Variants in CMPK1 observed in about 807,000 individuals in gnomAD.
The protein encoded by CMPK1 is cytidine/uridine monophosphate kinase 1.
Under a neutral mutation model 25.7 loss-of-function variants are expected in CMPK1, and 10 were observed. The ratio of observed to expected loss-of-function variants is 0.39; its 90% CI spans 0.24 to 0.66. The LOEUF is 0.66. Ranked by LOEUF, CMPK1 falls within the 30% of genes least tolerant of loss-of-function variation. The pLI is 0.48. For missense variants in CMPK1, 199 were observed against 280.5 expected, an observed-to-expected ratio of 0.71 and a Z score of 2.08; for synonymous variants, 106 against 101.5, an observed-to-expected ratio of 1.04 and a Z score of -0.27.
chr1:47,360,170 C>T (rs566779961), intron 1 of CMPK1, among the ~76,000 whole-genome samples: 10 of 152,318 alleles, frequency 6.6e-5, no homozygotes, highest in African/African-American at 2.2e-4. Context: ...AAATTATTGC[C>T]TCTGAGCTCC....
intron 2 of CMPK1, among the ~76,000 whole-genome samples, chr1:47,372,309 T>C (rs1646682717): frequency 1.3e-5 from 2 of 152,208 alleles, no homozygotes; most frequent in African/African-American, 4.8e-5. Flanking sequence ...GCCGGGCTGG[T>C]TCTTTTGTTG....
chr1:47,337,688 G>A (rs1287535745), intron 1 of CMPK1, among the ~76,000 whole-genome samples: 1 of 150,554 alleles, frequency 6.6e-6, no homozygotes. Context: ...ATCTTGGCTC[G>A]CTGCAGCCTC....
intron 1 of CMPK1, among the ~76,000 whole-genome samples, chr1:47,344,084 C>T (rs540523998): frequency 7.4e-4 from 109 of 147,736 alleles, no homozygotes; most frequent in Non-Finnish European, 1.4e-3. Flanking sequence ...AAAAAAAAGA[C>T]GACAGACCCT....
intron 1 of CMPK1, among the ~76,000 whole-genome samples, chr1:47,356,446 C>T (rs1646561337): frequency 6.6e-6 from 1 of 152,122 alleles, no homozygotes; most frequent in Non-Finnish European, 1.5e-5. Flanking sequence ...GACAAGTCCT[C>T]ATTTGTAGTT....
intron 1 of CMPK1, among the ~76,000 whole-genome samples, chr1:47,363,587 G>A (rs545069889): frequency 2.9e-4 from 44 of 150,976 alleles, no homozygotes; most frequent in Non-Finnish European, 4.4e-5. Flanking sequence ...GCAGTGAGCC[G>A]AGATTGTACC....
At chr1:47,351,614 G>T (rs1646522882) in intron 1 of CMPK1, among the ~76,000 whole-genome samples, 1 of 152,142 alleles carries the variant, frequency 6.6e-6, no homozygotes, top group African/African-American at 2.4e-5. Flanking sequence ...TGGAATTGCT[G>T]AGTCACATGG....
chr1:47,350,639 A>G (rs1042999594), intron 1 of CMPK1, among the ~76,000 whole-genome samples: 3 of 152,164 alleles, frequency 2.0e-5, no homozygotes, highest in African/African-American at 7.2e-5. Context: ...TTATGCCCGT[A>G]ATCCCAGCAC....
At chr1:47,355,982 T>C (rs1646558383) in intron 1 of CMPK1, among the ~76,000 whole-genome samples, 1 of 152,232 alleles carries the variant, frequency 6.6e-6, no homozygotes, top group African/African-American at 2.4e-5. Context: ...CTGTTACTTA[T>C]TATCTGATTA....
intron 1 of CMPK1, among the ~76,000 whole-genome samples, chr1:47,340,947 T>G (rs893081291): frequency 1.3e-5 from 2 of 152,186 alleles, no homozygotes; most frequent in Non-Finnish European, 2.9e-5. Context: ...AATTTTTTCT[T>G]TTTTAAGAAA....
At position 47,335,761 on chromosome 1, in the gene CMPK1, TTTTTTG is replaced by T. The variant is rs541648920; in HGVS notation, c.171+1665_171+1670del. 3.2e-3 allele frequency among the ~76,000 whole-genome samples: 491 copies of T among 152,120 alleles called. 1 individual carries two copies. Among genetic ancestry groups the T allele is most frequent in the African/African-American group, 0.011 (443 of 41,470 alleles). ...TTGTTGGTTCTCTTTCTTTTGTTGT[TTTTTTG>T]TTTTTGTTTTTGTTTTTGTGACAGT... On this transcript the variant is annotated intron_variant, in intron 1 of 5. Coordinates refer to ENST00000371873, the MANE Select transcript of CMPK1 (RefSeq NM_016308.3).
intron 1 of CMPK1, among the ~76,000 whole-genome samples, chr1:47,345,756 C>CTT (rs1002903094): frequency 7.1e-6 from 1 of 140,400 alleles, no homozygotes. Context: ...TGCACCTGGC[C>CTT]TTTTTTTTTT....
intron 1 of CMPK1, among the ~76,000 whole-genome samples, chr1:47,337,159 T>C (rs1646405005): frequency 6.6e-6 from 1 of 152,110 alleles, no homozygotes; most frequent in South Asian, 2.1e-4. Flanking sequence ...GGCAGGCGCC[T>C]GTAGTCCCAG....
intron 1 of CMPK1, among the ~76,000 whole-genome samples, chr1:47,335,687 C>T (rs959904328): frequency 5.3e-5 from 8 of 149,922 alleles, no homozygotes; most frequent in East Asian, 3.9e-4. Context: ...TGGAACTAGT[C>T]CAACTAAAAA....
chr1:47,336,288 G>A (rs1646398510), intron 1 of CMPK1, among the ~76,000 whole-genome samples: 1 of 152,166 alleles, frequency 6.6e-6, no homozygotes, highest in Non-Finnish European at 1.5e-5. Context: ...CCCTGACTCT[G>A]CCATTTACTG....
intron 1 of CMPK1, among the ~76,000 whole-genome samples, chr1:47,343,516 A>T (rs1238602263): frequency 6.6e-6 from 1 of 151,400 alleles, no homozygotes; most frequent in Non-Finnish European, 1.5e-5. Flanking sequence ...TCAAAAAAAA[A>T]AAAGTCTCAA....
At chr1:47,334,992 A>G (rs541182493) in intron 1 of CMPK1, among the ~76,000 whole-genome samples, 2 of 152,226 alleles carry the variant, frequency 1.3e-5, no homozygotes, top group African/African-American at 4.8e-5. Flanking sequence ...TTTGAGCTAG[A>G]TGTATGGTTG....
intron 1 of CMPK1, among the ~76,000 whole-genome samples, chr1:47,334,961 A>G (rs1279063342): frequency 6.6e-6 from 1 of 152,212 alleles, no homozygotes; most frequent in Non-Finnish European, 1.5e-5. Flanking sequence ...ACAGGTTACC[A>G]GTTCAATTCT....
intron 2 of CMPK1, among the ~76,000 whole-genome samples, 137 bp from the exon 3 acceptor site, chr1:47,372,800 CTTTTTTTCTTTTCTTTTT>C (rs1181996814): frequency 1.2e-5 from 1 of 84,166 alleles, no homozygotes; most frequent in Non-Finnish European, 2.3e-5. Flanking sequence ...TTCTTTCTTT[CTTTTTTTCTTTTCTTTTT>C]TTTTTTTGCT....
At chr1:47,349,152 AG>A (rs1646504629) in intron 1 of CMPK1, among the ~76,000 whole-genome samples, 1 of 152,236 alleles carries the variant, frequency 6.6e-6, no homozygotes, top group African/African-American at 2.4e-5. Context: ...TCTGCAAGCC[AG>A]GACATAACAA....
Sources: allele counts gnomAD v4.1 joint callset (sites outside exome capture counted in the v4.1 genomes callset), GRCh38; gene constraint gnomAD v4.1.1; transcripts MANE v1.5; gene names NCBI Gene and HGNC (gene_info 2026-07-23, HGNC 2026-07-21).